Variants in ATP8A2 observed in about 807,000 individuals in gnomAD.
ATP8A2 encodes the protein phospholipid-transporting ATPase IB.
A neutral mutation model predicts 165.6 loss-of-function variants in ATP8A2; 100 were observed. The observed-to-expected ratio is 0.60, with a 90% confidence interval of 0.51 to 0.71. The LOEUF is 0.71. Ranked by LOEUF, ATP8A2 falls within the 30% of genes least tolerant of loss-of-function variation. ATP8A2 has a pLI of 0.00. For missense variants in ATP8A2, 1,227 were observed against 1,479.5 expected, an observed-to-expected ratio of 0.83 and a Z score of 2.80; for synonymous variants, 543 against 548.8, an observed-to-expected ratio of 0.99 and a Z score of 0.15.
At chr13:25,384,399 T>C (rs944777911) in intron 1 of ATP8A2, among the ~76,000 whole-genome samples, 4 of 152,218 alleles carry the variant, frequency 2.6e-5, no homozygotes, top group South Asian at 4.1e-4. Flanking sequence ...TGTCTTCAAG[T>C]GTGGCCTTCC....
chr13:25,428,857 C>T (rs575356063), intron 1 of ATP8A2, among the ~76,000 whole-genome samples: 121 of 152,196 alleles, frequency 8.0e-4, no homozygotes, highest in African/African-American at 2.7e-3. Flanking sequence ...AGCACAGAGG[C>T]GTGATGGCCT....
At chr13:25,580,407 TA>T in intron 22 of ATP8A2, among the ~76,000 whole-genome samples, 1 of 152,378 alleles carries the variant, frequency 6.6e-6, no homozygotes, top group Admixed American at 6.5e-5. Context: ...CTTTTCAGTT[TA>T]TCCTAAGGCT....
intron 1 of ATP8A2, among the ~76,000 whole-genome samples, chr13:25,451,116 T>C (rs1415048701): frequency 6.6e-6 from 1 of 152,162 alleles, no homozygotes; most frequent in Non-Finnish European, 1.5e-5. Context: ...GGTTGTCTCG[T>C]AGGTCACCGA....
At chr13:25,717,418 T>TAAAAAAAAAAAA (rs55732375) in intron 25 of ATP8A2, among the ~76,000 whole-genome samples, 1 of 95,042 alleles carries the variant, frequency 1.1e-5, no homozygotes, top group Non-Finnish European at 2.3e-5. Context: ...CTGAAAAAAC[T>TAAAAAAAAAAAA]AAAAAAAAAA....
intron 33 of ATP8A2, among the ~76,000 whole-genome samples, chr13:25,904,052 G>A (rs548065702): frequency 6.6e-6 from 1 of 152,274 alleles, no homozygotes; most frequent in South Asian, 2.1e-4. Flanking sequence ...TTCGGATTTT[G>A]ATTTTTTCAG....
Position 25,567,387 on chromosome 13 carries a change from C to T in ATP8A2, c.1473+3356C>T, listed in dbSNP as rs114955624. On this transcript the variant is annotated intron_variant, in intron 16 of 36. Coordinates refer to ENST00000381655, the MANE Select transcript of ATP8A2 (RefSeq NM_016529.6). The stretch of plus-strand genomic sequence containing the variant: ...TGGAAAGAACTTTAGGAAGAAATCC[C>T]ACTGTTTATATAAGTTAGTGATCTT... 3.7e-3 allele frequency: 1,674 copies of T among 456,646 alleles called. 24 individuals are homozygous for T. The highest frequency in any genetic ancestry group is 0.031 in the African/African-American group (1,548 of 50,162). The allele number at this position is 456,646 out of a possible 1,614,324, so 28.3% of individuals were successfully genotyped here. A position where few individuals can be genotyped will look rare whatever the true frequency, so the allele number is the denominator to read the frequency against.
intron 33 of ATP8A2, among the ~76,000 whole-genome samples, chr13:25,933,146 C>T (rs1316779076): frequency 6.6e-6 from 1 of 152,248 alleles, no homozygotes; most frequent in African/African-American, 2.4e-5. Context: ...TGAGCCACTG[C>T]ACCTGCCCTG....
chr13:25,453,327 C>T (rs983060342), intron 1 of ATP8A2, among the ~76,000 whole-genome samples: 10 of 151,816 alleles, frequency 6.6e-5, no homozygotes, highest in Non-Finnish European at 1.2e-4. Context: ...GGTTTCCTTA[C>T]GTTGGCCAGA....
intron 33 of ATP8A2, among the ~76,000 whole-genome samples, chr13:25,906,590 C>G (rs898898718): frequency 1.3e-5 from 2 of 152,150 alleles, no homozygotes; most frequent in African/African-American, 4.8e-5. Flanking sequence ...CTCTCTCCCC[C>G]TCTTGCCGTA....
At chr13:25,609,042 A>T (rs898258975) in intron 24 of ATP8A2, among the ~76,000 whole-genome samples, 4 of 152,176 alleles carry the variant, frequency 2.6e-5, no homozygotes, top group African/African-American at 9.6e-5. Flanking sequence ...AAAGAGGGAA[A>T]TTTTTGTAGC....
intron 24 of ATP8A2, among the ~76,000 whole-genome samples, chr13:25,606,202 G>A (rs550615639): frequency 3.9e-5 from 6 of 152,300 alleles, no homozygotes; most frequent in African/African-American, 1.4e-4. Context: ...TGGCTGCATA[G>A]CTCATAACCT....
intron 8 of ATP8A2, among the ~76,000 whole-genome samples, chr13:25,540,877 T>A (rs1299038048): frequency 1.3e-5 from 2 of 152,000 alleles, no homozygotes; most frequent in East Asian, 3.8e-4. Flanking sequence ...TTTTTTTTTT[T>A]TTGAGATGGA....
chr13:25,506,671 T>A (rs1201782017), intron 2 of ATP8A2, among the ~76,000 whole-genome samples: 1 of 152,148 alleles, frequency 6.6e-6, no homozygotes, highest in Non-Finnish European at 1.5e-5. Context: ...CGGCTGTGGA[T>A]CTGAAGAGGA....
intron 25 of ATP8A2, among the ~76,000 whole-genome samples, chr13:25,733,077 A>G (rs1279091437): frequency 6.6e-6 from 1 of 152,240 alleles, no homozygotes; most frequent in Non-Finnish European, 1.5e-5. Flanking sequence ...TTATGATGAA[A>G]TACTACAGAA....
At chr13:25,719,467 G>GGATGGA (rs1566075560) in intron 25 of ATP8A2, among the ~76,000 whole-genome samples, 1 of 150,134 alleles carries the variant, frequency 6.7e-6, no homozygotes, top group African/African-American at 2.5e-5. Context: ...GGGTGGATGG[G>GGATGGA]TGGATGGATG....
At chr13:25,389,478 C>T (rs1488519109) in intron 1 of ATP8A2, among the ~76,000 whole-genome samples, 1 of 152,170 alleles carries the variant, frequency 6.6e-6, no homozygotes, top group Non-Finnish European at 1.5e-5. Context: ...TTCTGTTAGT[C>T]AGGGACAAAT....
At chr13:25,580,048 T>A (rs2039731614) in intron 22 of ATP8A2, 101 bp downstream of exon 22, 1 of 1,336,228 alleles carries the variant, frequency 7.5e-7, no homozygotes, top group Admixed American at 2.1e-5. Flanking sequence ...AGGGATGTTC[T>A]CTTTTCTTGT....
At chr13:25,461,773 C>T (rs553604913) in intron 1 of ATP8A2, among the ~76,000 whole-genome samples, 1 of 151,922 alleles carries the variant, frequency 6.6e-6, no homozygotes, top group African/African-American at 2.4e-5. Flanking sequence ...TATAAGGGCT[C>T]AGCAAACCAT....
At chr13:25,726,521 T>A (rs1048507069) in intron 25 of ATP8A2, among the ~76,000 whole-genome samples, 1 of 152,224 alleles carries the variant, frequency 6.6e-6, no homozygotes, top group African/African-American at 2.4e-5. Flanking sequence ...TTCCTCGGCT[T>A]GTGGCCCCTT....
Sources: gnomAD v4.1 joint callset for allele counts (sites outside exome capture counted in the v4.1 genomes callset) on GRCh38, gnomAD v4.1.1 for gene constraint, MANE v1.5 for transcripts, NCBI Gene and HGNC (gene_info 2026-07-23, HGNC 2026-07-21) for gene names.